Variants in GRM7 observed in about 807,000 individuals in gnomAD.
The protein encoded by GRM7 is metabotropic glutamate receptor 7.
In GRM7, 35 loss-of-function variants were observed where a neutral mutation model predicts 84.5. That is an observed-to-expected ratio of 0.41 (90% confidence interval 0.32 to 0.55). The LOEUF (loss-of-function observed/expected upper bound fraction) is 0.55. Among genes scored for constraint, GRM7 ranks in the 20% least tolerant of loss-of-function variants. The pLI is 0.19. For missense variants in GRM7, 1,003 were observed against 1,194.6 expected (o/e 0.84, Z 2.36); for synonymous variants, 487 against 455.1 (o/e 1.07, Z -0.89).
intron 2 of GRM7, among the ~76,000 whole-genome samples, chr3:7,255,475 A>C (rs1292768710): frequency 1.3e-5 from 2 of 152,250 alleles, no homozygotes; most frequent in Non-Finnish European, 2.9e-5. Flanking sequence ...TCCAAACACG[A>C]CTTTGAATTA....
At chr3:7,706,601 C>T (rs968054954) in intron 9 of GRM7, among the ~76,000 whole-genome samples, 2 of 152,108 alleles carry the variant, frequency 1.3e-5, no homozygotes, top group Admixed American at 6.6e-5. Flanking sequence ...AGGGTCCAAG[C>T]GAAGTGTCAA....
At chr3:6,873,002 G>T (rs1695179710) in intron 1 of GRM7, among the ~76,000 whole-genome samples, 1 of 152,084 alleles carries the variant, frequency 6.6e-6, no homozygotes, top group Non-Finnish European at 1.5e-5. Context: ...TGGGTCAAAT[G>T]GTATTTCTGG....
chr3:7,136,478 G>GTCTCTTT (rs1693776120), intron 1 of GRM7, among the ~76,000 whole-genome samples: 1 of 151,902 alleles, frequency 6.6e-6, no homozygotes, highest in South Asian at 2.1e-4. Context: ...GACTTCCTTG[G>GTCTCTTT]TCTCTTTACC....
chr3:7,307,808 G>T (rs533643771), intron 4 of GRM7, among the ~76,000 whole-genome samples: 13 of 152,320 alleles, frequency 8.5e-5, no homozygotes, highest in African/African-American at 2.9e-4. Flanking sequence ...TGTATCTGTT[G>T]TGTGCCTTGC....
At chr3:6,993,680 T>C (rs1352926869) in intron 1 of GRM7, among the ~76,000 whole-genome samples, 1 of 152,156 alleles carries the variant, frequency 6.6e-6, no homozygotes, top group Non-Finnish European at 1.5e-5. Context: ...TAGGAGCATA[T>C]TGCAGCATTC....
At chr3:7,200,571 A>G (rs1431606957) in intron 2 of GRM7, among the ~76,000 whole-genome samples, 1 of 152,174 alleles carries the variant, frequency 6.6e-6, no homozygotes, top group East Asian at 1.9e-4. Flanking sequence ...CTTGAGCAGT[A>G]GTTGTCAAGC....
rs1267225071 is a variant in GRM7, at chr3:6,862,825, G to A, written c.519+918G>A. On this transcript the variant is annotated intron_variant, in intron 1 of 9. Transcript: ENST00000357716. This position sits in a 1 kb window ranked among gnomAD's most constrained non-coding sequence, Gnocchi z 5.2. ...AGCGAGGCATGAAGGCGCCCGTTGGGAGGCAGAGGGGTGCGTGAAGCGGGG... is the reference window on the plus strand; with the variant it reads ...AGCGAGGCATGAAGGCGCCCGTTGGAAGGCAGAGGGGTGCGTGAAGCGGGG... The A allele has an allele frequency of 1.0e-5, 3 of 300,818 alleles. No homozygotes were observed. The highest frequency in any genetic ancestry group is 2.3e-5 in the African/African-American group (1 of 43,710). The allele number at this position is 300,818 out of a possible 1,614,324, so 18.6% of individuals were successfully genotyped here.
At chr3:7,280,070 G>A (rs1432528021) in intron 2 of GRM7, among the ~76,000 whole-genome samples, 2 of 152,098 alleles carry the variant, frequency 1.3e-5, no homozygotes, top group African/African-American at 2.4e-5. Flanking sequence ...AGGCATATTT[G>A]CTTTGTTAAA....
intron 3 of GRM7, 62 bp from the exon 4 acceptor site, chr3:7,306,436 T>C: frequency 6.9e-7 from 1 of 1,439,144 alleles, no homozygotes; most frequent in African/African-American, 1.4e-5. Flanking sequence ...TGACTTGCAA[T>C]CTACACGGAT....
chr3:7,685,977 C>G (rs559648080), intron 9 of GRM7, among the ~76,000 whole-genome samples: 1 of 152,216 alleles, frequency 6.6e-6, no homozygotes, highest in East Asian at 1.9e-4. Context: ...CATTATGTTA[C>G]TTGTTTCATC....
At position 7,460,191 on chromosome 3, in the gene GRM7, C is replaced by G. The variant is rs112592352; in HGVS notation, c.1376-1392C>G. On this transcript the variant is annotated intron_variant, in intron 6 of 9. Transcript: ENST00000357716. ...AACGTCCCCACACAAACAACTAACT[C>G]AACACAAGAATGACGCTAAAATATG... 5.8e-3 allele frequency among the ~76,000 whole-genome samples: 812 copies of G among 140,970 alleles called. 11 individuals carry two copies. The highest frequency in any genetic ancestry group is 0.02 in the African/African-American group (758 of 38,842). 92.5% of individuals were successfully genotyped at this position (140,970 alleles called of 152,430 possible). A position where few individuals can be genotyped will look rare whatever the true frequency, so the allele number is the denominator to read the frequency against.
intron 1 of GRM7, among the ~76,000 whole-genome samples, chr3:6,888,609 G>A (rs1695801977): frequency 6.6e-6 from 1 of 152,104 alleles, no homozygotes; most frequent in African/African-American, 2.4e-5. Context: ...TTTGGTACCA[G>A]TACCATGCTG....
intron 1 of GRM7, among the ~76,000 whole-genome samples, chr3:6,950,221 C>G (rs1559346885): frequency 6.6e-6 from 1 of 152,310 alleles, no homozygotes; most frequent in African/African-American, 2.4e-5. Context: ...TGGTGATGTA[C>G]AGATGGGCTT....
At chr3:7,000,775 T>C (rs1694986724) in intron 1 of GRM7, among the ~76,000 whole-genome samples, 1 of 152,098 alleles carries the variant, frequency 6.6e-6, no homozygotes, top group African/African-American at 2.4e-5. Flanking sequence ...TACTTTGGAA[T>C]GGGGAAAAGC....
At chr3:7,440,948 C>T (rs1434406874) in intron 5 of GRM7, among the ~76,000 whole-genome samples, 1 of 152,064 alleles carries the variant, frequency 6.6e-6, no homozygotes, top group Non-Finnish European at 1.5e-5. Context: ...ATAGCGCTGC[C>T]ATGAACATGT....
chr3:7,452,684 A>G lies in GRM7; in HGVS notation c.1252A>G (p.Met418Val), dbSNP rs752088753. 20 of 1,613,064 alleles carry G rather than the reference A, an allele frequency of 1.2e-5. No homozygotes were observed. The highest frequency in any genetic ancestry group is 2.2e-5 in the East Asian group (1 of 44,832). The change falls in exon 6 of 10, where the codon ATG (methionine) becomes GTG (valine). Residue 418 changes from methionine to valine, a missense_variant. Physicochemically the swap from Met to Val is conservative, Grantham distance 21. Coordinates refer to ENST00000357716, the MANE Select transcript of GRM7 (RefSeq NM_000844.4). ...VQFVIDAVYA[M>V]AHALHHMNKD... ...GTTCGTGATTGACGCAGTCTATGCT[A>G]TGGCTCACGCCCTTCACCACATGAA...
chr3:7,474,849 A>T (rs1698857854), intron 7 of GRM7, among the ~76,000 whole-genome samples: 1 of 152,212 alleles, frequency 6.6e-6, no homozygotes, highest in Non-Finnish European at 1.5e-5. Flanking sequence ...TAAAAGATGT[A>T]TAGGCAATTA....
At chr3:7,495,585 G>T (rs1699672008) in intron 7 of GRM7, among the ~76,000 whole-genome samples, 1 of 151,920 alleles carries the variant, frequency 6.6e-6, no homozygotes, top group African/African-American at 2.4e-5. Context: ...TATCTCTCAA[G>T]AGAAAAAAAG....
intron 1 of GRM7, among the ~76,000 whole-genome samples, chr3:7,078,684 A>C (rs73112883): frequency 0.16 from 24,787 of 152,136 alleles, 3,573 homozygotes; most frequent in African/African-American, 0.4. Context: ...TCATGGAGTG[A>C]CAGGAGCTAC....
Sources: allele counts gnomAD v4.1 joint callset (sites outside exome capture counted in the v4.1 genomes callset), GRCh38; gene constraint gnomAD v4.1.1; non-coding constraint Gnocchi (gnomAD v3.1); transcripts MANE v1.5; gene names NCBI Gene and HGNC (gene_info 2026-07-23, HGNC 2026-07-21).